The following CLK1 variants were observed in gnomAD, a reference collection of about 807,000 sequenced individuals.
CLK1 encodes CDC like kinase 1, also known as dual specificity protein kinase CLK1.
Under a neutral mutation model 60.9 loss-of-function variants are expected in CLK1, and 40 were observed. That is an observed-to-expected ratio of 0.66 (90% CI 0.51 to 0.86). CLK1 has a LOEUF of 0.86. CLK1 is among the 40% of genes least tolerant of loss of function. The pLI is 0.00. For synonymous variants in CLK1, 203 were observed against 184.4 expected, an observed-to-expected ratio of 1.10 and a Z score of -0.82; for missense variants, 563 against 606.1, an observed-to-expected ratio of 0.93 and a Z score of 0.75.
At chr2:200,862,092 G>A (rs1302853839) in intron 1 of CLK1, among the ~76,000 whole-genome samples, 1 of 144,496 alleles carries the variant, frequency 6.9e-6, no homozygotes, top group Non-Finnish European at 1.5e-5. Context: ...CAGATTTATT[G>A]GAAGAATGCA....
intron 1 of CLK1, chr2:200,864,334 C>T (rs2039194632): frequency 1.4e-6 from 2 of 1,385,872 alleles, no homozygotes; most frequent in Non-Finnish European, 9.4e-7. Flanking sequence ...GGGCGGCCGG[C>T]CTAGCAAACA....
chr2:200,854,666 C>G lies in CLK1; in HGVS notation c.1170G>C (p.Met390Ile). The G allele has an allele frequency of 6.2e-7, 1 of 1,609,808 alleles. No homozygotes were observed. Among genetic ancestry groups the G allele is most frequent in the Non-Finnish European group, 8.5e-7 (1 of 1,176,194 alleles). Residue 390 changes from methionine to isoleucine, a missense_variant, in exon 11 of 13, where the codon ATG becomes ATC. Met to Ile is a conservative substitution (Grantham distance 10, BLOSUM62 1). This residue lies in a region of CLK1 where 360 missense variants were observed against 407.0 expected (regional missense o/e 0.88). Coordinates refer to ENST00000321356, the MANE Select transcript of CLK1 (RefSeq NM_004071.4). The part of the protein sequence containing the change: ...PTHDSKEHLA[M>I]MERILGPLPK... ...GTAGAGGTCCAAGAATCCTTTCCAT[C>G]ATTGCTAAATGCTCCTTACTATCGT...
chr2:200,859,455 AAT>A (rs1249561986), intron 5 of CLK1, among the ~76,000 whole-genome samples: 2 of 152,220 alleles, frequency 1.3e-5, no homozygotes, highest in African/African-American at 2.4e-5. Flanking sequence ...CTTTCAAAAC[AAT>A]ATAAAGTGTG....
intron 3 of CLK1, chr2:200,860,946 C>A (rs1171456452): frequency 4.3e-6 from 5 of 1,149,758 alleles, no homozygotes; most frequent in South Asian, 5.8e-5. Context: ...CCACAAAAAA[C>A]CCTTTTAGAA....
intron 3 of CLK1, 96 bp downstream of exon 3, chr2:200,861,142 T>A: frequency 1.3e-6 from 2 of 1,529,606 alleles, no homozygotes; most frequent in African/African-American, 2.8e-5. Flanking sequence ...GATGATTTCA[T>A]CTTAAAACTT....
chr2:200,854,461 A>G (rs1483850151), intron 11 of CLK1, among the ~76,000 whole-genome samples, 155 bp downstream of exon 11: 1 of 151,734 alleles, frequency 6.6e-6, no homozygotes, highest in Non-Finnish European at 1.5e-5. Flanking sequence ...GCGTGAACCC[A>G]GGAGGGAGAG....
At chr2:200,864,176 G>T (rs1471457388) in intron 1 of CLK1, 4 of 1,550,940 alleles carry the variant, frequency 2.6e-6, no homozygotes, top group Admixed American at 2.0e-5. Context: ...TCAACGGGGA[G>T]CCTCGCCTTT....
At chr2:200,857,057 G>T in intron 7 of CLK1, 72 bp from the exon 8 acceptor site, 1 of 1,226,744 alleles carries the variant, frequency 8.2e-7, no homozygotes, top group Non-Finnish European at 1.2e-6. Flanking sequence ...CCCACAACAG[G>T]CCGGGTGCAG....
intron 3 of CLK1, chr2:200,860,498 A>G (rs2039118870): frequency 8.9e-6 from 10 of 1,129,140 alleles, no homozygotes; most frequent in Non-Finnish European, 9.8e-6. Flanking sequence ...TTTTCTTAAA[A>G]AAAAAAAATG....
Position 200,856,721 on chromosome 2 carries a change from C to G in CLK1, c.1018G>C (p.Val340Leu), listed in dbSNP as rs913776642. 1.9e-6 allele frequency: 3 copies of G among 1,611,528 alleles called. No homozygotes were observed. Among genetic ancestry groups the G allele is most frequent in the Middle Eastern group, 1.8e-4 (1 of 5,416 alleles). ...TYDDEHHSTL[V>L]STRHYRAPEV... ...GGTGCTCTATAATGTCTTGTAGATA[C>G]CAATGTACTGTGATGTTCGTCATCA... Residue 340 changes from valine to leucine, a missense_variant, in exon 9 of 13, where the codon GTA (valine) becomes CTA (leucine). Val to Leu is a conservative substitution (Grantham distance 32, BLOSUM62 1). Coordinates refer to ENST00000321356, the MANE Select transcript of CLK1 (RefSeq NM_004071.4).
chr2:200,855,522 G>A (rs1330812017), intron 9 of CLK1, among the ~76,000 whole-genome samples: 1 of 152,146 alleles, frequency 6.6e-6, no homozygotes, highest in Non-Finnish European at 1.5e-5. Context: ...CTACTCAGGA[G>A]GCTGAGGTGG....
intron 4 of CLK1, 103 bp downstream of exon 4, chr2:200,860,022 C>CA: frequency 6.7e-7 from 1 of 1,493,238 alleles, no homozygotes; most frequent in Non-Finnish European, 8.9e-7. Flanking sequence ...AAAACAAAAA[C>CA]AAAAAAGAGA....
chr2:200,855,987 C>A (rs1450659270), intron 9 of CLK1, among the ~76,000 whole-genome samples: 1 of 149,594 alleles, frequency 6.7e-6, no homozygotes, highest in Non-Finnish European at 1.5e-5. Context: ...CCAGCCTGGG[C>A]GACAGAGTAA....
chr2:200,859,871 T>C (rs1226085445), intron 4 of CLK1, 125 bp from the exon 5 acceptor site: 1 of 1,489,232 alleles, frequency 6.7e-7, no homozygotes, highest in Non-Finnish European at 8.9e-7. Flanking sequence ...AGATATTTTA[T>C]TGGTCAACAC....
chr2:200,864,025 G>A (rs2039186705), intron 1 of CLK1: 16 of 1,448,174 alleles, frequency 1.1e-5, no homozygotes, highest in South Asian at 1.4e-5. Context: ...AAAGCCACTC[G>A]CGATGTTTAC....
At chr2:200,864,174 G>C in intron 1 of CLK1, 7 of 1,550,996 alleles carry the variant, frequency 4.5e-6, no homozygotes, top group Non-Finnish European at 6.1e-6. Context: ...CCTCAACGGG[G>C]AGCCTCGCCT....
chr2:200,860,758 C>T, intron 3 of CLK1: 2 of 1,003,712 alleles, frequency 2.0e-6, no homozygotes, highest in Non-Finnish European at 2.4e-6. Context: ...GATCTCCATA[C>T]TAATATATAA....
chr2:200,863,544 G>C (rs976573250), intron 1 of CLK1, among the ~76,000 whole-genome samples: 1 of 151,860 alleles, frequency 6.6e-6, no homozygotes, highest in Admixed American at 6.6e-5. Context: ...GGCGACAGGG[G>C]CGAGACCTTG....
intron 5 of CLK1, among the ~76,000 whole-genome samples, chr2:200,858,877 T>C (rs2039089074): frequency 6.7e-6 from 1 of 150,136 alleles, no homozygotes; most frequent in East Asian, 2.0e-4. Context: ...TTCTATACTA[T>C]CTTAAGAAAT....
Sources: allele counts gnomAD v4.1 joint callset (sites outside exome capture counted in the v4.1 genomes callset), GRCh38; gene constraint gnomAD v4.1.1; regional missense constraint gnomAD v4.1.1; transcripts MANE v1.5; gene names NCBI Gene and HGNC (gene_info 2026-07-23, HGNC 2026-07-21).